Variants in TCF20 observed in about 807,000 individuals in gnomAD.
The protein encoded by TCF20 is transcription factor 20.
Under a neutral mutation model 148.6 loss-of-function variants are expected in TCF20, and 3 were observed. The ratio of observed to expected loss-of-function variants is 0.02; its 90% CI spans 0.01 to 0.05. The LOEUF is 0.05. Among genes scored for constraint, TCF20 ranks in the 10% least tolerant of loss-of-function variants. The probability of loss-of-function intolerance (pLI) is 1.00; values close to 1 mark genes in which losing one functional copy is unlikely to be tolerated. For missense variants in TCF20, 2,350 were observed against 2,429.3 expected (o/e 0.97, Z 0.69); for synonymous variants, 1,049 against 909.5 (o/e 1.15, Z -2.76).
chr22:42,205,283 G>GGGAAGGGAAAAA (rs145790507), intron 2 of TCF20, among the ~76,000 whole-genome samples: 2,679 of 151,512 alleles, frequency 0.018, 56 homozygotes, highest in African/African-American at 0.047. Context: ...CCACACTTGT[G>GGGAAGGGAAAAA]GGAAGGGAAA....
intron 1 of TCF20, among the ~76,000 whole-genome samples, chr22:42,219,504 T>G (rs746667449): frequency 1.3e-5 from 2 of 150,800 alleles, no homozygotes; most frequent in African/African-American, 2.4e-5. Flanking sequence ...TGAATACAAA[T>G]AGTAAGGAAA....
intron 1 of TCF20, among the ~76,000 whole-genome samples, chr22:42,319,957 C>T (rs1028883219): frequency 1.3e-5 from 2 of 152,172 alleles, no homozygotes; most frequent in Non-Finnish European, 2.9e-5. Context: ...CCTGAGCCCC[C>T]AGATCCTGCC....
At position 42,211,351 on chromosome 22, in the gene TCF20, C is replaced by T. The variant is rs759766269; in HGVS notation, c.3955G>A (p.Asp1319Asn). Residue 1319 changes from aspartate to asparagine, a missense_variant, in exon 2 of 6, where the codon GAC becomes AAC. Asp to Asn is a conservative substitution (Grantham distance 23). Transcript: ENST00000677622. ...KSIPKRDSSK[D>N]LPSPDSRNCP... ...TTTCTACTATCTGGACTTGGAAGGT[C>T]CTTGGAGGAATCTCTCTTAGGGATA... The T allele has an allele frequency of 1.2e-6, 2 of 1,614,098 alleles. No individual in the cohort carries two copies. Among genetic ancestry groups the T allele is most frequent in the Non-Finnish European group, 1.7e-6 (2 of 1,180,026 alleles).
chr22:42,191,175 G>A (rs921105931), intron 2 of TCF20, among the ~76,000 whole-genome samples: 66 of 152,322 alleles, frequency 4.3e-4, no homozygotes, highest in African/African-American at 1.4e-3. Context: ...AAATGTATAC[G>A]TAGTTTGTTA....
At chr22:42,254,100 GTAAC>G (rs1925588062) in intron 1 of TCF20, among the ~76,000 whole-genome samples, 1 of 124,640 alleles carries the variant, frequency 8.0e-6, no homozygotes, top group South Asian at 2.5e-4. Context: ...AAAAAAAAAA[GTAAC>G]TGAAGCTTCC....
chr22:42,211,252 A>G lies in TCF20; in HGVS notation c.4054T>C (p.Leu1352=), dbSNP rs1920953326. ...GTAATCTTCTGAACTATAGCTTCCAATTTCAATCCCCGTCCTTTCCGTGGG... is the reference window on the plus strand; with the variant it reads ...GTAATCTTCTGAACTATAGCTTCCAGTTTCAATCCCCGTCCTTTCCGTGGG... The part of the protein sequence containing the change: ...LPPRKGRGLK[L]EAIVQKITSP... Residue 1352 remains leucine, a synonymous_variant, in exon 2 of 6, where the codon TTG becomes CTG. Transcript: ENST00000677622. The G allele has an allele frequency of 6.2e-7, 1 of 1,614,038 alleles. No individual in the cohort carries two copies. The highest frequency in any genetic ancestry group is 8.5e-7 in the Non-Finnish European group (1 of 1,180,008).
At chr22:42,320,670 T>TGTGG (rs1466944225) in intron 1 of TCF20, among the ~76,000 whole-genome samples, 3 of 152,164 alleles carry the variant, frequency 2.0e-5, no homozygotes, top group African/African-American at 7.2e-5. Flanking sequence ...AGGGGACTGA[T>TGTGG]GTGGGGATGA....
Position 42,213,681 on chromosome 22 carries a change from G to C in TCF20, c.1625C>G (p.Thr542Ser). ...ERVRQLSGQSTSSDTTYKGGA... is the reference protein window; with the variant it reads ...ERVRQLSGQSSSSDTTYKGGA... ...ACCCTTGTAGGTGGTGTCAGAGCTG[G>C]TGCTCTGGCCACTTAGTTGCCGCAC... Residue 542 changes from threonine to serine, a missense_variant, in exon 2 of 6, where the codon ACC becomes AGC. Thr to Ser is a moderately conservative substitution (Grantham distance 58). Transcript: ENST00000677622. The C allele has an allele frequency of 6.2e-7, 1 of 1,614,014 alleles. No individual in the cohort carries two copies. The highest frequency in any genetic ancestry group is 8.5e-7 in the Non-Finnish European group (1 of 1,179,942).
At chr22:42,296,062 T>C (rs1292992957) in intron 1 of TCF20, among the ~76,000 whole-genome samples, 1 of 152,196 alleles carries the variant, frequency 6.6e-6, no homozygotes, top group Non-Finnish European at 1.5e-5. Flanking sequence ...ATCCGTAAAA[T>C]GGGGGTAAGA....
intron 1 of TCF20, among the ~76,000 whole-genome samples, chr22:42,244,180 G>C (rs1739685640): frequency 6.6e-6 from 1 of 152,180 alleles, no homozygotes; most frequent in Non-Finnish European, 1.5e-5. Context: ...CTCCAGCCTG[G>C]GCCACACATG....
In TCF20 at chr22:42,292,916, C is replaced by A. The variant is rs566641029; in HGVS notation, c.-37+50563G>T. 1.4e-4 allele frequency among the ~76,000 whole-genome samples: 21 copies of A among 150,982 alleles called. No individual in the cohort carries two copies. In the South Asian group the frequency reaches 4.4e-3, roughly 32 times the overall value. Reference sequence around the variant, plus strand: ...CGCTGGATACTAGATCCCACATCCCCCTCCCACTCTGTCCTGCCCACCAGG... The same window carrying A: ...CGCTGGATACTAGATCCCACATCCCACTCCCACTCTGTCCTGCCCACCAGG... On this transcript the variant is annotated intron_variant, in intron 1 of 1. Coordinates refer to the TCF20 transcript ENST00000515426. This position sits in a 1 kb window ranked among gnomAD's most constrained non-coding sequence, Gnocchi z 4.9.
chr22:42,236,366 C>A (rs542870017), intron 1 of TCF20, among the ~76,000 whole-genome samples: 1 of 152,150 alleles, frequency 6.6e-6, no homozygotes, highest in Non-Finnish European at 1.5e-5. Context: ...ACCCTGGGAT[C>A]TACAGTCCAT....
rs1002353536 is a variant in TCF20, at chr22:42,292,542, C to T, written c.-37+50937G>A. Among the ~76,000 whole-genome samples, 3 of 152,272 alleles carry T rather than the reference C, an allele frequency of 2.0e-5. No homozygotes were observed. The highest frequency in any genetic ancestry group is 1.9e-4 in the East Asian group (1 of 5,182). On this transcript the variant is annotated intron_variant, in intron 1 of 1. Coordinates refer to the TCF20 transcript ENST00000515426. This position sits in a 1 kb window ranked among gnomAD's most constrained non-coding sequence, Gnocchi z 4.9. ...TGGCCCTCAATGAGGTAACATCCTG[C>T]GTGTCAACTGTAACCAAGGTAGGTT...
intron 1 of TCF20, among the ~76,000 whole-genome samples, chr22:42,228,334 C>A (rs1426984034): frequency 1.3e-5 from 2 of 152,202 alleles, no homozygotes; most frequent in African/African-American, 4.8e-5. Flanking sequence ...GTCATAACAA[C>A]AATGATAAAC....
At chr22:42,248,805 C>G (rs985883811) in intron 1 of TCF20, among the ~76,000 whole-genome samples, 1 of 152,126 alleles carries the variant, frequency 6.6e-6, no homozygotes, top group African/African-American at 2.4e-5. Flanking sequence ...GGAACTATGA[C>G]CTTGCTATTG....
intron 1 of TCF20, among the ~76,000 whole-genome samples, chr22:42,250,313 C>T (rs993875067): frequency 2.6e-5 from 4 of 151,814 alleles, no homozygotes; most frequent in Admixed American, 6.6e-5. Context: ...GGCGTGGTGG[C>T]GGGGCGCCTG....
chr22:42,322,160 G>C (rs906667714), intron 1 of TCF20, among the ~76,000 whole-genome samples: 1 of 151,734 alleles, frequency 6.6e-6, no homozygotes, highest in Non-Finnish European at 1.5e-5. Flanking sequence ...AGAATCTGAG[G>C]AAACACAAAA....
At chr22:42,284,414 T>C (rs1926985418), upstream of TCF20, among the ~76,000 whole-genome samples, 1 of 152,090 alleles carries the variant, frequency 6.6e-6, no homozygotes, top group African/African-American at 2.4e-5. Flanking sequence ...TGCTGGGGAT[T>C]TGCACCCAGC....
At position 42,210,876 on chromosome 22, in the gene TCF20, C is replaced by T. The variant is rs766050671; in HGVS notation, c.4430G>A (p.Gly1477Glu). 1 of 1,614,166 alleles carries T rather than the reference C, an allele frequency of 6.2e-7. No individual in the cohort carries two copies. Among genetic ancestry groups the T allele is most frequent in the South Asian group, 1.1e-5 (1 of 91,086 alleles). Residue 1477 changes from glycine (G) to glutamate (E), a missense_variant, in exon 2 of 6, where the codon GGG (glycine) becomes GAG (glutamate). Physicochemically the swap from Gly to Glu is moderately conservative, Grantham distance 98. Around this residue, in one of 7 missense-constraint regions of TCF20, gnomAD observed 231 missense variants for 213.7 expected, o/e 1.08. Transcript: ENST00000677622. This position sits in a 1 kb window ranked among gnomAD's most constrained non-coding sequence, Gnocchi z 4.7. ...TTSQKPGSNQ[G>E]RPDGSLGGTA... ...TCCACCCAGGGAACCATCTGGTCTC[C>T]CTTGGTTACTACCAGGCTTCTGTGA...
Sources: allele counts gnomAD v4.1 joint callset (sites outside exome capture counted in the v4.1 genomes callset), GRCh38; gene constraint gnomAD v4.1.1; regional missense constraint gnomAD v4.1.1; non-coding constraint Gnocchi (gnomAD v3.1); transcripts MANE v1.5; gene names NCBI Gene and HGNC (gene_info 2026-07-23, HGNC 2026-07-21).